Variants in PTPRN2 observed in about 807,000 individuals in gnomAD.
PTPRN2 encodes the protein receptor-type tyrosine-protein phosphatase N2.
A neutral mutation model predicts 118.8 loss-of-function variants in PTPRN2; 74 were observed. The observed-to-expected ratio is 0.62, with a 90% CI of 0.52 to 0.76. PTPRN2 has a LOEUF of 0.76. PTPRN2 is among the 30% of genes least tolerant of loss of function. The pLI is 0.00. For missense variants in PTPRN2, 1,481 were observed against 1,394.4 expected (o/e 1.06, Z -0.99); for synonymous variants, 641 against 608.0 (o/e 1.05, Z -0.80).
rs144159859 is a variant in PTPRN2, at chr7:158,035,140, C to T, written c.1723+46158G>A. On this transcript the variant is annotated intron_variant, in intron 11 of 22. Coordinates refer to ENST00000389418, the MANE Select transcript of PTPRN2 (RefSeq NM_002847.5). Reference sequence around the variant, plus strand: ...AGTGTGGATAGTCAGTGTGTTTACACGCATCGTCACGATAGTGTGTTTACA... The same window carrying T: ...AGTGTGGATAGTCAGTGTGTTTACATGCATCGTCACGATAGTGTGTTTACA... Among the ~76,000 whole-genome samples the T allele has an allele frequency of 2.7e-3, 409 of 152,318 alleles. 1 individual carries two copies. Among genetic ancestry groups the T allele is most frequent in the African/African-American group, 9.2e-3 (382 of 41,560 alleles).
At chr7:157,915,040 TTA>T (rs1360529505) in intron 11 of PTPRN2, among the ~76,000 whole-genome samples, 26 of 152,326 alleles carry the variant, frequency 1.7e-4, no homozygotes, top group African/African-American at 5.3e-4. Flanking sequence ...GATCTGTAGG[TTA>T]TATTTAGCTT....
intron 12 of PTPRN2, among the ~76,000 whole-genome samples, chr7:157,878,171 G>A (rs1363182311): frequency 6.6e-6 from 1 of 152,226 alleles, no homozygotes; most frequent in Non-Finnish European, 1.5e-5. Context: ...TACCCTCTTG[G>A]TGGCCTGTGG....
chr7:157,942,515 T>C (rs1025252072), intron 11 of PTPRN2, among the ~76,000 whole-genome samples: 1 of 152,068 alleles, frequency 6.6e-6, no homozygotes, highest in Non-Finnish European at 1.5e-5. Context: ...TTGGGAAGTA[T>C]GCAAATGAGT....
intron 12 of PTPRN2, among the ~76,000 whole-genome samples, chr7:157,725,146 C>T (rs1796239): frequency 7.9e-5 from 12 of 151,958 alleles, no homozygotes; most frequent in East Asian, 3.9e-4. Flanking sequence ...GATATCTACA[C>T]GCAGAGGAGT....
chr7:158,248,737 C>A (rs1489573499), intron 3 of PTPRN2, among the ~76,000 whole-genome samples: 3 of 125,212 alleles, frequency 2.4e-5, no homozygotes, highest in African/African-American at 6.5e-5. Flanking sequence ...CATGCATGCC[C>A]CTACACACGC....
intron 11 of PTPRN2, among the ~76,000 whole-genome samples, chr7:157,950,143 T>A (rs1264193200): frequency 6.6e-6 from 1 of 152,246 alleles, no homozygotes; most frequent in Non-Finnish European, 1.5e-5. Flanking sequence ...GGTGTGTATA[T>A]CTCAATGGAA....
At chr7:158,141,219 T>C (rs559968421) in intron 6 of PTPRN2, among the ~76,000 whole-genome samples, 20 of 152,378 alleles carry the variant, frequency 1.3e-4, no homozygotes, top group African/African-American at 4.6e-4. Context: ...TTTCTGCTTT[T>C]TACAAATTAA....
At chr7:158,104,018 T>C (rs1291839294) in intron 10 of PTPRN2, among the ~76,000 whole-genome samples, 3 of 152,076 alleles carry the variant, frequency 2.0e-5, no homozygotes, top group Non-Finnish European at 2.9e-5. Flanking sequence ...CCTGCCACCA[T>C]GCCCGACTAA....
chr7:158,312,131 C>T (rs538271915), intron 3 of PTPRN2, among the ~76,000 whole-genome samples: 1 of 144,358 alleles, frequency 6.9e-6, no homozygotes, highest in African/African-American at 2.7e-5. Context: ...AACACACGTG[C>T]TCACGTGTAG....
At chr7:157,653,761 T>C (rs2906930) in intron 14 of PTPRN2, among the ~76,000 whole-genome samples, 129,258 of 151,666 alleles carry the variant, frequency 0.85, 55,486 homozygotes, top group Admixed American at 0.91. Flanking sequence ...AAGGCCCACG[T>C]CTGGCCCACT....
intron 2 of PTPRN2, among the ~76,000 whole-genome samples, chr7:158,408,453 C>T (rs1813770492): frequency 6.6e-6 from 1 of 152,134 alleles, no homozygotes; most frequent in Non-Finnish European, 1.5e-5. Context: ...AAACCGTCAC[C>T]ACTGTGTATC....
At chr7:158,135,944 A>G (rs903875014) in intron 8 of PTPRN2, among the ~76,000 whole-genome samples, 2 of 152,188 alleles carry the variant, frequency 1.3e-5, no homozygotes, top group African/African-American at 4.8e-5. Flanking sequence ...TCGGCCTTGT[A>G]TTCACGACCA....
chr7:158,068,345 G>A (rs1013932355), intron 11 of PTPRN2, among the ~76,000 whole-genome samples: 2 of 152,218 alleles, frequency 1.3e-5, no homozygotes, highest in South Asian at 2.1e-4. Flanking sequence ...CAGTGCACAG[G>A]AGGCCCAGGC....
chr7:158,288,093 A>G (rs956078325), intron 3 of PTPRN2, among the ~76,000 whole-genome samples: 11 of 152,110 alleles, frequency 7.2e-5, no homozygotes, highest in African/African-American at 2.7e-4. Context: ...CATGAAGTCT[A>G]TTTTATTTAA....
At chr7:157,793,088 G>A (rs113289385) in intron 12 of PTPRN2, among the ~76,000 whole-genome samples, 7 of 152,094 alleles carry the variant, frequency 4.6e-5, no homozygotes, top group South Asian at 2.1e-4. Flanking sequence ...CGCTGTGCCC[G>A]GGGAGAGGAA....
At chr7:158,002,878 C>T (rs562686152) in intron 11 of PTPRN2, among the ~76,000 whole-genome samples, 3 of 152,194 alleles carry the variant, frequency 2.0e-5, no homozygotes, top group Non-Finnish European at 4.4e-5. Flanking sequence ...GGCGTGGACA[C>T]GGCTGGGCTG....
chr7:158,407,035 C>A (rs1446927800), intron 2 of PTPRN2, among the ~76,000 whole-genome samples: 1 of 152,324 alleles, frequency 6.6e-6, no homozygotes, highest in South Asian at 2.1e-4. Context: ...CAGCAAGGAA[C>A]CCTCCAGGGA....
chr7:158,299,451 C>G (rs1487550491), intron 3 of PTPRN2, among the ~76,000 whole-genome samples: 1 of 152,032 alleles, frequency 6.6e-6, no homozygotes, highest in Non-Finnish European at 1.5e-5. Context: ...GTGCATGCCA[C>G]CACATCCGGC....
In PTPRN2 at chr7:158,166,925, G is replaced by T; in HGVS notation, c.910+6C>A. On this transcript the variant is annotated splice_donor_region_variant and intron_variant, in intron 6 of 22. Transcript: ENST00000389418. Reference sequence around the variant, plus strand: ...AAACAAGAAACACCAAGCGGGGCTGGCTCACCATCGCCTGTGCTGGAGGGG... The same window carrying T: ...AAACAAGAAACACCAAGCGGGGCTGTCTCACCATCGCCTGTGCTGGAGGGG... 7.0e-7 allele frequency: 1 copy of T among 1,424,892 alleles called. No individual in the cohort carries two copies. Among genetic ancestry groups the T allele is most frequent in the Non-Finnish European group, 9.2e-7 (1 of 1,084,104 alleles). The allele number at this position is 1,424,892 out of a possible 1,614,324, so 88.3% of individuals were successfully genotyped here.
Sources: allele counts gnomAD v4.1 joint callset (sites outside exome capture counted in the v4.1 genomes callset), GRCh38; gene constraint gnomAD v4.1.1; transcripts MANE v1.5; gene names NCBI Gene and HGNC (gene_info 2026-07-23, HGNC 2026-07-21).